The following OGDHL variants were observed in gnomAD, a reference collection of about 807,000 sequenced individuals.
OGDHL encodes the protein oxoglutarate dehydrogenase L, also known as 2-oxoglutarate dehydrogenase-like, mitochondrial.
A neutral mutation model predicts 109.6 loss-of-function variants in OGDHL; 79 were observed. The ratio of observed to expected loss-of-function variants is 0.72; its 90% confidence interval spans 0.60 to 0.87. The LOEUF (loss-of-function observed/expected upper bound fraction) is 0.87. OGDHL is among the 40% of genes least tolerant of loss of function. The pLI is 0.00. For missense variants in OGDHL, 1,275 were observed against 1,362.2 expected (o/e 0.94, Z 1.01); for synonymous variants, 528 against 537.2 (o/e 0.98, Z 0.24).
rs770487793 is a variant in OGDHL, at chr10:49,736,508, T to C, written c.2603A>G (p.Gln868Arg). 2.5e-6 allele frequency: 4 copies of C among 1,613,324 alleles called. No individual in the cohort carries two copies. The Admixed American group carries it at 5.0e-5, about 20-fold the overall frequency. Residue 868 changes from glutamine to arginine, a missense_variant, in exon 21 of 23, where the codon CAG becomes CGG. Physicochemically the swap from Gln to Arg is conservative, Grantham distance 43. Coordinates refer to ENST00000374103, the MANE Select transcript of OGDHL (RefSeq NM_018245.3). ...FDQMVSGTSF[Q>R]RVIPEDGAAA... ...GGCCCCATCTTCAGGAATCACCCGC[T>C]GGAAGCTGGTCCCTGAGGGACCAAC...
chr10:49,751,862 C>A lies in OGDHL; in HGVS notation c.714G>T (p.Lys238Asn). 6.2e-7 allele frequency: 1 copy of A among 1,614,166 alleles called. No homozygotes were observed. Residue 238 changes from lysine (K) to asparagine (N), a missense_variant, in exon 6 of 23, where the codon AAG becomes AAT. Lys to Asn is a moderately conservative substitution (Grantham distance 94, BLOSUM62 0). Coordinates refer to ENST00000374103, the MANE Select transcript of OGDHL (RefSeq NM_018245.3). ...PGVMQFSSEE[K>N]RTLLARLVRS... ...GCACTAGCCGGGCCAGCAGGGTCCG[C>A]TTCTCCTCGCTGGAGAACTGCATCA...
chr10:49,742,348 GCA>G (rs1841787535), intron 15 of OGDHL, among the ~76,000 whole-genome samples: 4 of 5,488 alleles, frequency 7.3e-4, no homozygotes, highest in Admixed American at 2.4e-3. Context: ...CACCACACAT[GCA>G]CCACACAACA....
rs938921675 is a variant in OGDHL, at chr10:49,746,077, C to A, written c.1297-100G>T. ...TGAGCAGGGGGATGCTCAAGGTCCA[C>A]TGAGGTGCCCAGGAGGAATGTGGGA... is the stretch of plus-strand genomic sequence containing the variant. On this transcript the variant is annotated intron_variant, in intron 10 of 22. Transcript: ENST00000374103. 5 of 1,340,418 alleles carry A rather than the reference C, an allele frequency of 3.7e-6. No individual in the cohort carries two copies. In the Admixed American group the frequency reaches 6.7e-5, roughly 18 times the overall value. The allele number at this position is 1,340,418 out of a possible 1,614,324, so 83.0% of individuals were successfully genotyped here. A position where few individuals can be genotyped will look rare whatever the true frequency, so the allele number is the denominator to read the frequency against.
intron 17 of OGDHL, 57 bp downstream of exon 17, chr10:49,739,604 G>A (rs1047000014): frequency 2.0e-5 from 32 of 1,574,958 alleles, no homozygotes; most frequent in South Asian, 1.8e-4. Context: ...GGTCCATCCC[G>A]CCCCTTCAAG....
At position 49,745,857 on chromosome 10, in the gene OGDHL, CAT is replaced by C. The variant is rs1842141915; in HGVS notation, c.1415_1416del (p.Tyr472CysfsTer30). 1 of 1,614,232 alleles carries C rather than the reference CAT, an allele frequency of 6.2e-7. No individual in the cohort carries two copies. Among genetic ancestry groups the C allele is most frequent in the Non-Finnish European group, 8.5e-7 (1 of 1,180,050 alleles). On this transcript the variant is annotated frameshift_variant, in exon 11 of 23. Coordinates refer to ENST00000374103, the MANE Select transcript of OGDHL (RefSeq NM_018245.3). LOFTEE classifies it high-confidence loss of function. The stretch of plus-strand genomic sequence containing the variant: ...CTCCATTCGGCTGCCACACTGCACA[CAT>C]ATATCACAGCCTCTGGGTCATCGGC... ...VNADDPEAVI[Y>X]VCSVAAEWRN...
In OGDHL at chr10:49,752,689, C is replaced by T. The variant is rs562480004; in HGVS notation, c.427G>A (p.Asp143Asn). 1.2e-6 allele frequency: 2 copies of T among 1,614,204 alleles called. No homozygotes were observed. Among genetic ancestry groups the T allele is most frequent in the African/African-American group, 1.3e-5 (1 of 75,066 alleles). ...QLDPLGILDADLDSFVPSDLI... is the reference protein window; with the variant it reads ...QLDPLGILDANLDSFVPSDLI... Reference sequence around the variant, plus strand: ...TCTGAGGGCACAAAGGAGTCCAGGTCTGCATCCAGAATGCCCAGGGGGTCC... The same window carrying T: ...TCTGAGGGCACAAAGGAGTCCAGGTTTGCATCCAGAATGCCCAGGGGGTCC... The change falls in exon 4 of 23, where the codon GAC becomes AAC. Residue 143 changes from aspartate to asparagine, a missense_variant. Coordinates refer to ENST00000374103, the MANE Select transcript of OGDHL (RefSeq NM_018245.3).
intron 1 of OGDHL, 116 bp downstream of exon 1, chr10:49,762,123 G>A (rs1041441687): frequency 6.5e-6 from 1 of 153,626 alleles, no homozygotes; most frequent in African/African-American, 2.4e-5. Flanking sequence ...GCCAGACTCA[G>A]GGCTGCGGGC....
chr10:49,736,192 A>G lies in OGDHL; in HGVS notation c.2755-15T>C. The G allele has an allele frequency of 1.9e-6, 3 of 1,578,384 alleles. No homozygotes were observed. Among genetic ancestry groups the G allele is most frequent in the Non-Finnish European group, 2.6e-6 (3 of 1,161,906 alleles). On this transcript the variant is annotated splice_polypyrimidine_tract_variant and intron_variant, in intron 21 of 22. Coordinates refer to ENST00000374103, the MANE Select transcript of OGDHL (RefSeq NM_018245.3). ...AATGGAGAGATCTGGGGAGGCAGAA[A>G]CAAAGGAGCATAGCCAGAGGAGGGG...
intron 1 of OGDHL, among the ~76,000 whole-genome samples, chr10:49,762,018 G>A (rs1359801251): frequency 6.6e-6 from 1 of 152,166 alleles, no homozygotes; most frequent in African/African-American, 2.4e-5. Flanking sequence ...CGGGTGGTAC[G>A]CGCGCGATGG....
rs145183489 is a variant in OGDHL at position 49,758,464 on chromosome 10, G to A, written c.129C>T (p.Ser43=). ...TGTAACTGGAGCCGCCTCCACCTTT[G>A]CTGCTTGGGAAGGTGGCCGGTGGCC... ...SSGPPATFPS[S]KGGGGSSYME... is the part of the protein sequence containing the mutation. Residue 43 remains serine, a synonymous_variant, in exon 2 of 23, where the codon AGC becomes AGT. Transcript: ENST00000374103. 1,063 of 1,613,956 alleles carry A rather than the reference G, an allele frequency of 6.6e-4. 2 individuals are homozygous for A. Among genetic ancestry groups the A allele is most frequent in the Middle Eastern group, 3.1e-3 (19 of 6,062 alleles).
intron 8 of OGDHL, among the ~76,000 whole-genome samples, chr10:49,748,586 A>C (rs1033758669): frequency 5.9e-5 from 9 of 152,168 alleles, no homozygotes; most frequent in Non-Finnish European, 1.0e-4. Context: ...TCCACTATAC[A>C]CACAGGTCAT....
At chr10:49,739,613 A>G in intron 17 of OGDHL, 48 bp downstream of exon 17, 1 of 1,589,314 alleles carries the variant, frequency 6.3e-7, no homozygotes, top group Non-Finnish European at 8.6e-7. Context: ...CGCCCCTTCA[A>G]GGCCCGCCAG....
intron 8 of OGDHL, among the ~76,000 whole-genome samples, chr10:49,748,585 C>CACAAG (rs1311114615): frequency 1.3e-5 from 2 of 152,162 alleles, no homozygotes; most frequent in Non-Finnish European, 2.9e-5. Context: ...TTCCACTATA[C>CACAAG]ACACAGGTCA....
Position 49,745,986 on chromosome 10 carries a change from G to T in OGDHL, c.1297-9C>A, listed in dbSNP as rs1023361423. The T allele has an allele frequency of 1.2e-6, 2 of 1,612,926 alleles. No homozygotes were observed. Among genetic ancestry groups the T allele is most frequent in the Non-Finnish European group, 1.7e-6 (2 of 1,179,198 alleles). ...TCTGTGGTGAATCCAATCTGCAGAG[G>T]CAGGAGAAACCTGCTGCGCCTCTCA... On this transcript the variant is annotated splice_polypyrimidine_tract_variant and intron_variant, in intron 10 of 22. Transcript: ENST00000374103.
intron 3 of OGDHL, among the ~76,000 whole-genome samples, chr10:49,755,861 T>G (rs1842885305): frequency 6.6e-6 from 1 of 152,228 alleles, no homozygotes; most frequent in African/African-American, 2.4e-5. Context: ...ATTTTTGAAG[T>G]CAAGGGTTAG....
chr10:49,752,767 G>C (rs367880695), intron 3 of OGDHL, 27 bp from the exon 4 acceptor site: 6 of 1,559,860 alleles, frequency 3.8e-6, no homozygotes, highest in Non-Finnish European at 5.3e-6. Flanking sequence ...GAGCAGGGTG[G>C]GGCTGGGACC....
chr10:49,739,891 G>A, intron 16 of OGDHL, 52 bp from the exon 17 acceptor site: 2 of 1,563,498 alleles, frequency 1.3e-6, no homozygotes, highest in Admixed American at 1.8e-5. Flanking sequence ...AAGTGGCAGT[G>A]GCTCCAGTCA....
intron 2 of OGDHL, among the ~76,000 whole-genome samples, chr10:49,757,591 T>A (rs956486543): frequency 2.6e-5 from 4 of 152,136 alleles, no homozygotes; most frequent in Admixed American, 6.5e-5. Flanking sequence ...TTCGCCACAG[T>A]CAGAGACTAG....
chr10:49,736,175 G>T lies in OGDHL; in HGVS notation c.2757C>A (p.Ile919=). The change falls in exon 22 of 23, where the codon ATC becomes ATA. Residue 919 remains isoleucine (I), a splice_region_variant and synonymous_variant. Transcript: ENST00000374103. ...TGATCAGGTCGAAGGGGAATGGAGAGATCTGGGGAGGCAGAAACAAAGGAG... is the reference window on the plus strand; with the variant it reads ...TGATCAGGTCGAAGGGGAATGGAGATATCTGGGGAGGCAGAAACAAAGGAG... ...EKVAITRLEQ[I]SPFPFDLIKQ... is the part of the protein sequence containing the mutation. The T allele has an allele frequency of 6.3e-7, 1 of 1,587,018 alleles. No individual in the cohort carries two copies. Among genetic ancestry groups the T allele is most frequent in the Non-Finnish European group, 8.6e-7 (1 of 1,166,572 alleles).
Sources: gnomAD v4.1 joint callset for allele counts (sites outside exome capture counted in the v4.1 genomes callset) on GRCh38, gnomAD v4.1.1 for gene constraint, MANE v1.5 for transcripts, NCBI Gene and HGNC (gene_info 2026-07-23, HGNC 2026-07-21) for gene names.